The following KCTD16 variants were observed in gnomAD, a reference collection of about 807,000 sequenced individuals.
KCTD16 encodes the protein potassium channel tetramerization domain containing 16, also known as BTB/POZ domain-containing protein KCTD16.
Under a neutral mutation model 33.2 loss-of-function variants are expected in KCTD16, and 13 were observed. The ratio of observed to expected loss-of-function variants is 0.39; its 90% CI spans 0.25 to 0.62. The LOEUF is 0.62. Among genes scored for constraint, KCTD16 ranks in the 20% least tolerant of loss-of-function variants. KCTD16 has a pLI of 0.50. For synonymous variants in KCTD16, 197 were observed against 195.3 expected (o/e 1.01, Z -0.07); for missense variants, 441 against 525.1 (o/e 0.84, Z 1.57).
At chr5:144,273,382 CAA>C (rs1755353967) in intron 3 of KCTD16, among the ~76,000 whole-genome samples, 1 of 151,992 alleles carries the variant, frequency 6.6e-6, no homozygotes, top group African/African-American at 2.4e-5. Flanking sequence ...TGTAGGAATG[CAA>C]AAGAGTACAG....
Position 144,475,015 on chromosome 5 carries a change from C to G in KCTD16, c.*901C>G, listed in dbSNP as rs1050006099. On this transcript the variant is annotated 3_prime_UTR_variant, in exon 4 of 4. Coordinates refer to ENST00000512467, the MANE Select transcript of KCTD16 (RefSeq NM_020768.4). The stretch of plus-strand genomic sequence containing the variant: ...CCACAAAATTTTCTGCTAAATGACT[C>G]CACACTCAGCCTTCTCTACCCTGAA... 1 of 152,224 alleles carries G rather than the reference C, an allele frequency of 6.6e-6. No homozygotes were observed. The highest frequency in any genetic ancestry group is 1.5e-5 in the Non-Finnish European group (1 of 68,070). 9.4% of individuals were successfully genotyped at this position (152,224 alleles called of 1,614,324 possible).
chr5:144,275,026 T>C (rs1291249284), intron 3 of KCTD16, among the ~76,000 whole-genome samples: 1 of 152,256 alleles, frequency 6.6e-6, no homozygotes, highest in African/African-American at 2.4e-5. Context: ...TGAAATTCTT[T>C]AACCGTATAT....
chr5:144,268,556 A>G (rs1182150818), intron 3 of KCTD16, among the ~76,000 whole-genome samples: 1 of 152,190 alleles, frequency 6.6e-6, no homozygotes, highest in Non-Finnish European at 1.5e-5. Flanking sequence ...TTTTTGGTAC[A>G]GAGACTGTCT....
At chr5:144,179,101 A>G (rs1435742003) in intron 2 of KCTD16, among the ~76,000 whole-genome samples, 1 of 152,218 alleles carries the variant, frequency 6.6e-6, no homozygotes, top group Non-Finnish European at 1.5e-5. Flanking sequence ...TGAGGATCTG[A>G]GGCCAGGAGA....
At position 144,420,548 on chromosome 5, in the gene KCTD16, T is replaced by C. The variant is rs150623154; in HGVS notation, c.833-53112T>C. Among the ~76,000 whole-genome samples the C allele has an allele frequency of 4.5e-4, 69 of 152,062 alleles. 1 individual carries two copies. In the East Asian group the frequency reaches 0.012, roughly 27 times the overall value. On this transcript the variant is annotated intron_variant, in intron 3 of 3. Transcript: ENST00000512467. ...TGTGTGTGTGTGCACACTCATGGAT[T>C]TTACTCTTCAGAGGCCATGGTTATA...
At position 144,483,561 on chromosome 5, in the gene KCTD16, T is replaced by C. The variant is rs1369961266; in HGVS notation, c.*9447T>C. The C allele has an allele frequency of 6.6e-6, 1 of 152,002 alleles. No individual in the cohort carries two copies. 9.4% of individuals were successfully genotyped at this position (152,002 alleles called of 1,614,324 possible). A position where few individuals can be genotyped will look rare whatever the true frequency, so the allele number is the denominator to read the frequency against. ...TAAGTCAAATACAAGAAAACCTTACTTACCTATTTTGGCATTTTACAGACA... is the reference window on the plus strand; with the variant it reads ...TAAGTCAAATACAAGAAAACCTTACCTACCTATTTTGGCATTTTACAGACA... On this transcript the variant is annotated 3_prime_UTR_variant, in exon 4 of 4. Transcript: ENST00000512467.
At chr5:144,227,330 A>G (rs780811299) in intron 3 of KCTD16, among the ~76,000 whole-genome samples, 1 of 152,188 alleles carries the variant, frequency 6.6e-6, no homozygotes, top group East Asian at 1.9e-4. Context: ...GGAAAAGCAC[A>G]TATCAAGGTC....
intron 3 of KCTD16, among the ~76,000 whole-genome samples, chr5:144,446,485 C>A (rs977631868): frequency 6.6e-6 from 1 of 152,106 alleles, no homozygotes; most frequent in Admixed American, 6.6e-5. Context: ...CCATTCAGGA[C>A]ATAGGCATGA....
intron 3 of KCTD16, among the ~76,000 whole-genome samples, chr5:144,253,669 A>AT (rs1254167262): frequency 6.6e-6 from 1 of 152,086 alleles, no homozygotes; most frequent in Non-Finnish European, 1.5e-5. Context: ...ACCTTTCTGT[A>AT]TTTTTTTAAA....
intron 3 of KCTD16, among the ~76,000 whole-genome samples, chr5:144,306,227 C>T (rs756920117): frequency 7.2e-5 from 11 of 152,224 alleles, no homozygotes; most frequent in Admixed American, 2.0e-4. Context: ...GGTAACAGTT[C>T]GACTTCACTC....
At chr5:144,327,698 G>A (rs145520566) in intron 3 of KCTD16, among the ~76,000 whole-genome samples, 2 of 152,104 alleles carry the variant, frequency 1.3e-5, no homozygotes, top group East Asian at 3.9e-4. Context: ...CATATTTTTG[G>A]AAATATTTTT....
intron 3 of KCTD16, among the ~76,000 whole-genome samples, chr5:144,437,207 C>T (rs1011087654): frequency 6.6e-6 from 1 of 152,110 alleles, no homozygotes; most frequent in Non-Finnish European, 1.5e-5. Flanking sequence ...TGCATCATCT[C>T]CCTCAGGTGT....
intron 3 of KCTD16, among the ~76,000 whole-genome samples, chr5:144,301,235 C>A (rs1580856290): frequency 4.7e-5 from 5 of 106,646 alleles, no homozygotes; most frequent in African/African-American, 3.8e-5. Context: ...AGCGAGATTC[C>A]ATCTCAAAAA....
At chr5:144,461,112 A>G (rs1252999698) in intron 3 of KCTD16, among the ~76,000 whole-genome samples, 3 of 152,188 alleles carry the variant, frequency 2.0e-5, no homozygotes, top group Non-Finnish European at 4.4e-5. Flanking sequence ...AAAATGTAAG[A>G]TATTGAGCAT....
chr5:144,176,913 T>C (rs1752523161), intron 2 of KCTD16, among the ~76,000 whole-genome samples: 1 of 152,224 alleles, frequency 6.6e-6, no homozygotes, highest in Non-Finnish European at 1.5e-5. Flanking sequence ...AAGTTCCTTA[T>C]AGATTCTGGT....
chr5:144,289,994 CA>C (rs1351655838), intron 3 of KCTD16, among the ~76,000 whole-genome samples: 1 of 152,044 alleles, frequency 6.6e-6, no homozygotes, highest in Non-Finnish European at 1.5e-5. Context: ...TAAGACCAAA[CA>C]ATAGGCCAGG....
intron 3 of KCTD16, among the ~76,000 whole-genome samples, chr5:144,431,243 A>G (rs971658943): frequency 6.6e-6 from 1 of 152,198 alleles, no homozygotes; most frequent in Non-Finnish European, 1.5e-5. Context: ...TAGTCCATTC[A>G]GTAAAAGAAA....
chr5:144,204,228 C>A (rs1170804139), intron 2 of KCTD16, among the ~76,000 whole-genome samples: 1 of 152,204 alleles, frequency 6.6e-6, no homozygotes, highest in Non-Finnish European at 1.5e-5. Context: ...TTCCTAAGTT[C>A]ACCTCCATTT....
At chr5:144,215,290 GT>G (rs1753528617) in intron 3 of KCTD16, among the ~76,000 whole-genome samples, 1 of 152,136 alleles carries the variant, frequency 6.6e-6, no homozygotes, top group Admixed American at 6.5e-5. Flanking sequence ...TGTGACCAGG[GT>G]TTAAGGAGCA....
Sources: gnomAD v4.1 joint callset for allele counts (sites outside exome capture counted in the v4.1 genomes callset) on GRCh38, gnomAD v4.1.1 for gene constraint, MANE v1.5 for transcripts, NCBI Gene and HGNC (gene_info 2026-07-23, HGNC 2026-07-21) for gene names.